Variants in FOXJ3 observed in about 807,000 individuals in gnomAD.
FOXJ3 encodes the protein forkhead box protein J3.
In FOXJ3, 22 loss-of-function variants were observed where a neutral mutation model predicts 76.1. The observed-to-expected ratio is 0.29, with a 90% confidence interval of 0.21 to 0.41. The LOEUF (loss-of-function observed/expected upper bound fraction) is 0.41. Among genes scored for constraint, FOXJ3 ranks in the 10% least tolerant of loss-of-function variants. The probability of loss-of-function intolerance (pLI) is 1.00; values close to 1 mark genes in which losing one functional copy is unlikely to be tolerated. For missense variants in FOXJ3, 613 were observed against 762.1 expected, an observed-to-expected ratio of 0.80 and a Z score of 2.30; for synonymous variants, 269 against 261.2, an observed-to-expected ratio of 1.03 and a Z score of -0.29.
chr1:42,300,602 C>T (rs2124731009), intron 2 of FOXJ3, among the ~76,000 whole-genome samples: 1 of 152,150 alleles, frequency 6.6e-6, no homozygotes, highest in East Asian at 1.9e-4. Flanking sequence ...ACAGCAAAAC[C>T]TTGTCTCTAC....
chr1:42,228,318 GT>G (rs1243988334), intron 4 of FOXJ3, among the ~76,000 whole-genome samples: 2 of 152,074 alleles, frequency 1.3e-5, no homozygotes, highest in Non-Finnish European at 2.9e-5. Flanking sequence ...AGATACTGTA[GT>G]TTCTATAGCC....
intron 6 of FOXJ3, among the ~76,000 whole-genome samples, chr1:42,200,028 A>AG (rs397979998): frequency 7.0e-6 from 1 of 141,906 alleles, no homozygotes; most frequent in African/African-American, 2.6e-5. Context: ...AAAAAAAAAA[A>AG]GGCAAATATA....
At chr1:42,294,545 G>A (rs944563447) in intron 2 of FOXJ3, among the ~76,000 whole-genome samples, 6 of 152,080 alleles carry the variant, frequency 3.9e-5, no homozygotes, top group Admixed American at 6.5e-5. Flanking sequence ...GATCATCTGG[G>A]ATCAGGAGTT....
At chr1:42,242,910 CA>C (rs1649261463) in intron 4 of FOXJ3, among the ~76,000 whole-genome samples, 3 of 151,772 alleles carry the variant, frequency 2.0e-5, no homozygotes, top group Non-Finnish European at 4.4e-5. Context: ...CTCAAACTGG[CA>C]AAAGTCAAAC....
At chr1:42,215,296 A>T (rs1157757815) in intron 5 of FOXJ3, among the ~76,000 whole-genome samples, 2 of 152,138 alleles carry the variant, frequency 1.3e-5, no homozygotes, top group African/African-American at 2.4e-5. Flanking sequence ...AGAGAAAAAT[A>T]AAAAAATCAA....
At chr1:42,235,050 C>T (rs947773455) in intron 4 of FOXJ3, among the ~76,000 whole-genome samples, 3 of 152,190 alleles carry the variant, frequency 2.0e-5, no homozygotes, top group African/African-American at 7.2e-5. Context: ...GTGGGCTCCA[C>T]CCAGTTGGAG....
intron 1 of FOXJ3, among the ~76,000 whole-genome samples, chr1:42,329,993 C>T (rs1656062940): frequency 6.6e-6 from 1 of 152,094 alleles, no homozygotes; most frequent in Admixed American, 6.6e-5. Context: ...GCTATGTTCC[C>T]TTAGTCAAAT....
At chr1:42,289,221 A>C (rs1336575146) in intron 2 of FOXJ3, among the ~76,000 whole-genome samples, 2 of 151,510 alleles carry the variant, frequency 1.3e-5, no homozygotes, top group African/African-American at 2.4e-5. Flanking sequence ...ATGTTTCTTA[A>C]TATATATAAT....
At chr1:42,186,894 C>A (rs1333735205) in intron 11 of FOXJ3, among the ~76,000 whole-genome samples, 2 of 152,146 alleles carry the variant, frequency 1.3e-5, no homozygotes, top group African/African-American at 4.8e-5. Flanking sequence ...GTCACCCAGG[C>A]TGGAGTGCAC....
chr1:42,211,866 A>T (rs1398528839), intron 5 of FOXJ3, among the ~76,000 whole-genome samples: 1 of 152,200 alleles, frequency 6.6e-6, no homozygotes, highest in Non-Finnish European at 1.5e-5. Flanking sequence ...TAAATTATAA[A>T]CATTAAAGTT....
chr1:42,276,778 C>T (rs184548281), intron 3 of FOXJ3, among the ~76,000 whole-genome samples: 24 of 152,314 alleles, frequency 1.6e-4, no homozygotes, highest in African/African-American at 5.8e-4. Flanking sequence ...TCACAGTTAA[C>T]ATTCCCATTA....
At chr1:42,307,331 G>A (rs1654530692) in intron 2 of FOXJ3, among the ~76,000 whole-genome samples, 1 of 152,138 alleles carries the variant, frequency 6.6e-6, no homozygotes, top group African/African-American at 2.4e-5. Flanking sequence ...CATCAATCAT[G>A]CAGCGGCTTC....
At chr1:42,246,331 T>TAC (rs368904681) in intron 4 of FOXJ3, among the ~76,000 whole-genome samples, 8 of 151,456 alleles carry the variant, frequency 5.3e-5, no homozygotes, top group East Asian at 1.9e-4. Context: ...CACATACACA[T>TAC]ACACACACAC....
chr1:42,242,116 A>G (rs1001928542), intron 4 of FOXJ3, among the ~76,000 whole-genome samples: 1 of 152,186 alleles, frequency 6.6e-6, no homozygotes, highest in Non-Finnish European at 1.5e-5. Flanking sequence ...TCTTCAGGAA[A>G]AAGTCTTACC....
At chr1:42,204,623 T>C (rs1646825366) in intron 6 of FOXJ3, among the ~76,000 whole-genome samples, 1 of 152,142 alleles carries the variant, frequency 6.6e-6, no homozygotes, top group South Asian at 2.1e-4. Context: ...AAAGGACGTA[T>C]TTCTGGGCCC....
chr1:42,280,224 A>G (rs1557696417), intron 2 of FOXJ3: 1 of 814,382 alleles, frequency 1.2e-6, no homozygotes, highest in East Asian at 1.3e-4. Flanking sequence ...CCAATGCACT[A>G]TAAAGTAAAC....
chr1:42,195,118 C>T (rs983997194), intron 7 of FOXJ3, 54 bp from the exon 8 acceptor site: 1 of 1,320,802 alleles, frequency 7.6e-7, no homozygotes. Context: ...TTACAATTGG[C>T]TTGTTATATA....
At chr1:42,203,651 A>G (rs1646804527) in intron 6 of FOXJ3, among the ~76,000 whole-genome samples, 1 of 152,166 alleles carries the variant, frequency 6.6e-6, no homozygotes, top group Admixed American at 6.5e-5. Context: ...TCTGAGCCCT[A>G]GCACACACAA....
At chr1:42,208,497 T>C (rs886859679) in intron 5 of FOXJ3, among the ~76,000 whole-genome samples, 1 of 152,184 alleles carries the variant, frequency 6.6e-6, no homozygotes, top group Admixed American at 6.5e-5. Flanking sequence ...TATCCTTTCA[T>C]GACAAAAACG....
Sources: gnomAD v4.1 joint callset for allele counts (sites outside exome capture counted in the v4.1 genomes callset) on GRCh38, gnomAD v4.1.1 for gene constraint, MANE v1.5 for transcripts, NCBI Gene and HGNC (gene_info 2026-07-23, HGNC 2026-07-21) for gene names.